Variants in STAM2 observed in about 807,000 individuals in gnomAD.
STAM2 encodes signal transducing adaptor molecule 2.
A neutral mutation model predicts 65.6 loss-of-function variants in STAM2; 51 were observed. The ratio of observed to expected loss-of-function variants is 0.78; its 90% CI spans 0.62 to 0.98. The LOEUF is 0.98. STAM2 is among the 50% of genes least tolerant of loss of function. The probability of loss-of-function intolerance (pLI) is 0.00; values close to 1 mark genes in which losing one functional copy is unlikely to be tolerated. For missense variants in STAM2, 584 were observed against 617.8 expected, an observed-to-expected ratio of 0.95 and a Z score of 0.58; for synonymous variants, 198 against 208.4, an observed-to-expected ratio of 0.95 and a Z score of 0.43.
chr2:152,169,796 T>C (rs1294551188), intron 1 of STAM2, among the ~76,000 whole-genome samples: 1 of 151,882 alleles, frequency 6.6e-6, no homozygotes, highest in African/African-American at 2.4e-5. Context: ...AACAGGAATT[T>C]CACTGCTGAC....
chr2:152,140,706 T>A (rs1403825697), intron 7 of STAM2, among the ~76,000 whole-genome samples: 2 of 152,220 alleles, frequency 1.3e-5, no homozygotes, highest in East Asian at 3.8e-4. Flanking sequence ...CTTTTCTAAA[T>A]GCTTTTACCT....
At position 152,163,613 on chromosome 2, in the gene STAM2, G is replaced by C. The variant is rs1257455082; in HGVS notation, c.40+11990C>G. ...ATAAGGTCTGACTGCCTGCGGGGTA[G>C]GGCAAAAAGAGCCATATTTTTCTTC... On this transcript the variant is annotated intron_variant, in intron 1 of 13. Coordinates refer to ENST00000263904, the MANE Select transcript of STAM2 (RefSeq NM_005843.6). Among the ~76,000 whole-genome samples, 14 of 152,250 alleles carry C rather than the reference G, an allele frequency of 9.2e-5. No homozygotes were observed. The South Asian group carries it at 2.9e-3, about 32-fold the overall frequency.
chr2:152,132,326 A>G (rs1459442987), intron 10 of STAM2, among the ~76,000 whole-genome samples, 158 bp from the exon 11 acceptor site: 2 of 152,196 alleles, frequency 1.3e-5, no homozygotes, highest in South Asian at 2.1e-4. Flanking sequence ...CTACTACTAC[A>G]TATTACTATC....
chr2:152,172,862 C>CA (rs1400288847), intron 1 of STAM2, among the ~76,000 whole-genome samples: 1,868 of 62,026 alleles, frequency 0.03, 21 homozygotes, highest in African/African-American at 0.051. Flanking sequence ...AGATTCGTCT[C>CA]AAAAAAAAAA....
At chr2:152,144,294 A>G (rs1689301021) in intron 6 of STAM2, among the ~76,000 whole-genome samples, 1 of 152,128 alleles carries the variant, frequency 6.6e-6, no homozygotes, top group African/African-American at 2.4e-5. Flanking sequence ...TCCATATAGG[A>G]TAAGCCATGA....
chr2:152,153,299 CAT>C (rs996986403), intron 1 of STAM2, among the ~76,000 whole-genome samples: 10 of 150,724 alleles, frequency 6.6e-5, no homozygotes, highest in Non-Finnish European at 1.5e-4. Context: ...GCAAAACATA[CAT>C]ATATATATAT....
At chr2:152,145,581 T>C (rs1689323542) in intron 5 of STAM2, among the ~76,000 whole-genome samples, 1 of 152,226 alleles carries the variant, frequency 6.6e-6, no homozygotes, top group Admixed American at 6.5e-5. Flanking sequence ...CCGATCTCAA[T>C]TGTCCAAGGT....
chr2:152,160,896 G>C (rs1339015738), intron 1 of STAM2, among the ~76,000 whole-genome samples: 1 of 151,400 alleles, frequency 6.6e-6, no homozygotes, highest in Non-Finnish European at 1.5e-5. Flanking sequence ...CCCCCGCCTG[G>C]CCAGCCGCCC....
At position 152,172,122 on chromosome 2, in the gene STAM2, G is replaced by A. The variant is rs563120001; in HGVS notation, c.40+3481C>T. ...CTTGAGGCCCAGCTGGGGAGAAGAG[G>A]TGGGACCTAAGGATATTTTCTTTTT... On this transcript the variant is annotated intron_variant, in intron 1 of 13. Transcript: ENST00000263904. 1.1e-4 allele frequency among the ~76,000 whole-genome samples: 17 copies of A among 152,334 alleles called. No homozygotes were observed. In the South Asian group the frequency reaches 3.3e-3, roughly 30 times the overall value.
At chr2:152,153,919 C>CACAT (rs201939299) in intron 1 of STAM2, among the ~76,000 whole-genome samples, 2 of 150,116 alleles carry the variant, frequency 1.3e-5, no homozygotes, top group African/African-American at 2.5e-5. Context: ...CACACACACA[C>CACAT]GCAAAAATAA....
At position 152,135,593 on chromosome 2, in the gene STAM2, A is replaced by G. The variant is rs141196223; in HGVS notation, c.715T>C (p.Trp239Arg). Residue 239 changes from tryptophan (W) to arginine (R), a missense_variant, in exon 8 of 14, where the codon TGG becomes CGG. By Grantham distance (101) the Trp-to-Arg change is moderately radical. Coordinates refer to ENST00000263904, the MANE Select transcript of STAM2 (RefSeq NM_005843.6). ...IIVLDDSDAN[W>R]WKGENHRGIG... ...CCTCTGTGATTTTCTCCTTTCCACC[A>G]ATTGGCATCACTAAAAATACAGTGC... 3 of 1,609,292 alleles carry G rather than the reference A, an allele frequency of 1.9e-6. No individual in the cohort carries two copies. Among genetic ancestry groups the G allele is most frequent in the Non-Finnish European group, 2.5e-6 (3 of 1,177,336 alleles).
intron 8 of STAM2, 46 bp from the exon 9 acceptor site, chr2:152,133,530 A>ATCAGAGT: frequency 6.9e-7 from 1 of 1,455,796 alleles, no homozygotes; most frequent in Non-Finnish European, 9.5e-7. Flanking sequence ...TTACTTCAGT[A>ATCAGAGT]ATTTTAGTCA....
chr2:152,132,189 AC>A (rs1447548656), intron 10 of STAM2, 21 bp from the exon 11 acceptor site: 1 of 1,586,606 alleles, frequency 6.3e-7, no homozygotes, highest in Admixed American at 1.7e-5. Flanking sequence ...AAAAATACTT[AC>A]AAATATAGAA....
At chr2:152,168,742 A>G (rs1322522520) in intron 1 of STAM2, among the ~76,000 whole-genome samples, 1 of 152,246 alleles carries the variant, frequency 6.6e-6, no homozygotes, top group Non-Finnish European at 1.5e-5. Flanking sequence ...ATTCCCTTGT[A>G]TAATGATTTT....
chr2:152,157,112 A>G (rs1470165512), intron 1 of STAM2, among the ~76,000 whole-genome samples: 4 of 152,224 alleles, frequency 2.6e-5, no homozygotes, highest in African/African-American at 9.6e-5. Flanking sequence ...GTAGAAGAGG[A>G]CTAGCCCAAG....
chr2:152,168,862 T>C (rs776838580), intron 1 of STAM2, among the ~76,000 whole-genome samples: 5 of 152,250 alleles, frequency 3.3e-5, no homozygotes, highest in African/African-American at 4.8e-5. Flanking sequence ...CAATTGATTA[T>C]TGTCTATTGT....
chr2:152,141,552 T>C (rs1176207250), intron 7 of STAM2, among the ~76,000 whole-genome samples: 3 of 151,016 alleles, frequency 2.0e-5, no homozygotes, highest in Admixed American at 6.6e-5. Context: ...AAATAAGAAA[T>C]GTGCACCTTT....
chr2:152,140,359 A>G (rs1257077693), intron 7 of STAM2, among the ~76,000 whole-genome samples: 1 of 152,238 alleles, frequency 6.6e-6, no homozygotes, highest in Admixed American at 6.5e-5. Context: ...GCACTCTGAG[A>G]TAAAACAAAA....
intron 1 of STAM2, among the ~76,000 whole-genome samples, chr2:152,174,527 A>C (rs1186156066): frequency 1.3e-5 from 2 of 152,238 alleles, no homozygotes; most frequent in Non-Finnish European, 2.9e-5. Flanking sequence ...TTAGGGGATT[A>C]CACAACGTAT....
Sources: gnomAD v4.1 joint callset for allele counts (sites outside exome capture counted in the v4.1 genomes callset) on GRCh38, gnomAD v4.1.1 for gene constraint, MANE v1.5 for transcripts, NCBI Gene and HGNC (gene_info 2026-07-23, HGNC 2026-07-21) for gene names.